ADGRA3: variants seen among roughly 807,000 people sequenced by gnomAD.
ADGRA3 encodes the protein G-protein coupled receptor 125.
Under a neutral mutation model 119.8 loss-of-function variants are expected in ADGRA3, and 56 were observed. The ratio of observed to expected loss-of-function variants is 0.47; its 90% CI spans 0.38 to 0.58. ADGRA3 has a LOEUF of 0.58. ADGRA3 is among the 20% of genes least tolerant of loss of function. The pLI, the probability that ADGRA3 is intolerant of heterozygous loss-of-function variation, is 0.00. For synonymous variants in ADGRA3, 607 were observed against 623.8 expected, an observed-to-expected ratio of 0.97 and a Z score of 0.40; for missense variants, 1,516 against 1,649.0, an observed-to-expected ratio of 0.92 and a Z score of 1.40.
At chr4:22,450,951 A>AATATATATATAT (rs1310599032) in intron 4 of ADGRA3, among the ~76,000 whole-genome samples, 2 of 122,806 alleles carry the variant, frequency 1.6e-5, no homozygotes, top group African/African-American at 6.6e-5. Context: ...AAAAAAAAAA[A>AATATATATATAT]ATATATATAT....
intron 2 of ADGRA3, among the ~76,000 whole-genome samples, chr4:22,472,146 C>T (rs1179578506): frequency 2.6e-5 from 4 of 152,206 alleles, no homozygotes; most frequent in Non-Finnish European, 5.9e-5. Context: ...GAAGACCACA[C>T]TAATGCCTTT....
intron 14 of ADGRA3, among the ~76,000 whole-genome samples, chr4:22,412,031 A>G (rs963224181): frequency 6.6e-6 from 1 of 152,158 alleles, no homozygotes; most frequent in Non-Finnish European, 1.5e-5. Flanking sequence ...TTCTAGTGCT[A>G]AATGCTATTT....
chr4:22,398,133 A>T, intron 16 of ADGRA3: 1 of 983,382 alleles, frequency 1.0e-6, no homozygotes, highest in Non-Finnish European at 1.2e-6. Flanking sequence ...GATGTGTAGT[A>T]ACAGCCTAAA....
intron 10 of ADGRA3, among the ~76,000 whole-genome samples, chr4:22,434,482 C>T (rs1716315040): frequency 6.6e-6 from 1 of 152,044 alleles, no homozygotes; most frequent in Admixed American, 6.6e-5. Context: ...AGTCAGGGAT[C>T]TTGGGTTCTC....
At position 22,388,109 on chromosome 4, in the gene ADGRA3, T is replaced by C; in HGVS notation, c.3562A>G (p.Arg1188Gly). ...GTTGGGACATCGTAGGCATATTCTC[T>C]CAGGACTGTGAGTCGGCTTGCCCGG... ...GHRASRLTVLREYAYDVPTSV... is the reference protein window; with the variant it reads ...GHRASRLTVLGEYAYDVPTSV... Residue 1188 changes from arginine (R) to glycine (G), a missense_variant, in exon 19 of 19, where the codon AGA becomes GGA. Physicochemically the swap from Arg to Gly is moderately radical, Grantham distance 125. Coordinates refer to ENST00000334304, the MANE Select transcript of ADGRA3 (RefSeq NM_145290.4). 3 of 1,614,192 alleles carry C rather than the reference T, an allele frequency of 1.9e-6. No individual in the cohort carries two copies. Among genetic ancestry groups the C allele is most frequent in the Non-Finnish European group, 2.5e-6 (3 of 1,180,014 alleles).
chr4:22,447,747 A>G (rs770222980), intron 4 of ADGRA3, among the ~76,000 whole-genome samples: 33 of 152,208 alleles, frequency 2.2e-4, no homozygotes, highest in Non-Finnish European at 3.5e-4. Flanking sequence ...TATTAAAGCT[A>G]GATAAGAATT....
At chr4:22,463,165 A>C (rs568712059) in intron 2 of ADGRA3, among the ~76,000 whole-genome samples, 1 of 152,370 alleles carries the variant, frequency 6.6e-6, no homozygotes, top group East Asian at 1.9e-4. Context: ...CTTACATAAC[A>C]GTGGCAACCT....
At chr4:22,485,904 C>T (rs911948404) in intron 1 of ADGRA3, among the ~76,000 whole-genome samples, 8 of 152,222 alleles carry the variant, frequency 5.3e-5, no homozygotes, top group African/African-American at 1.9e-4. Flanking sequence ...AGAACTGGAG[C>T]AGCTGTTTCA....
intron 6 of ADGRA3, 96 bp downstream of exon 6, chr4:22,444,877 G>T: frequency 8.0e-7 from 1 of 1,249,444 alleles, no homozygotes; most frequent in South Asian, 1.3e-5. Context: ...TACTAGTTCT[G>T]TCCAAGTATA....
chr4:22,447,612 G>T, intron 4 of ADGRA3, 101 bp from the exon 5 acceptor site: 1 of 650,430 alleles, frequency 1.5e-6, no homozygotes, highest in Non-Finnish European at 2.5e-6. Flanking sequence ...AAATAATGTT[G>T]TAAAGAACTC....
chr4:22,452,607 AG>A (rs1320012884), intron 4 of ADGRA3, among the ~76,000 whole-genome samples: 1 of 152,164 alleles, frequency 6.6e-6, no homozygotes, highest in Non-Finnish European at 1.5e-5. Context: ...AGACAACCCA[AG>A]TTCTAAACCT....
Position 22,388,169 on chromosome 4 carries a change from A to G in ADGRA3, c.3502T>C (p.Ser1168Pro). Reference protein sequence around the residue: ...LEVQFRTNVHSSRHHKNRSKG... With the variant: ...LEVQFRTNVHPSRHHKNRSKG... ...CTTCTGTTTTTATGGTGGCGGCTTG[A>G]GTGCACATTTGTTCGAAACTGAACT... The change falls in exon 19 of 19, where the codon TCA becomes CCA. Residue 1168 changes from serine to proline, a missense_variant. By Grantham distance (74) the Ser-to-Pro change is moderately conservative. Around this residue, in one of 2 missense-constraint regions of ADGRA3, gnomAD observed 1,088 missense variants for 1,107.1 expected, o/e 0.98. Coordinates refer to ENST00000334304, the MANE Select transcript of ADGRA3 (RefSeq NM_145290.4). 6.2e-7 allele frequency: 1 copy of G among 1,613,924 alleles called. No individual in the cohort carries two copies. The highest frequency in any genetic ancestry group is 8.5e-7 in the Non-Finnish European group (1 of 1,179,980).
rs539947155 is a variant in ADGRA3 at position 22,421,423 on chromosome 4, GA to G, written c.1606-335del. Among the ~76,000 whole-genome samples the G allele has an allele frequency of 3.2e-3, 487 of 151,900 alleles. 5 individuals carry two copies. The highest frequency in any genetic ancestry group is 0.011 in the African/African-American group (444 of 41,444). On this transcript the variant is annotated intron_variant, in intron 11 of 18. Coordinates refer to ENST00000334304, the MANE Select transcript of ADGRA3 (RefSeq NM_145290.4). Reference sequence around the variant, plus strand: ...AACAAGCTAAAAATGGAAGCATCCTGAAAAAAAATTCAGCTAGAGAAATCAG... The same window carrying G: ...AACAAGCTAAAAATGGAAGCATCCTGAAAAAAATTCAGCTAGAGAAATCAG...
intron 1 of ADGRA3, among the ~76,000 whole-genome samples, chr4:22,501,609 C>A (rs375816356): frequency 2.0e-5 from 3 of 152,076 alleles, no homozygotes; most frequent in Non-Finnish European, 1.5e-5. Flanking sequence ...GGACTCCCCA[C>A]GTTTCCTTTC....
intron 14 of ADGRA3, among the ~76,000 whole-genome samples, chr4:22,410,808 C>T (rs2109020101): frequency 6.6e-6 from 1 of 152,168 alleles, no homozygotes; most frequent in East Asian, 1.9e-4. Flanking sequence ...TCAACAATTT[C>T]AAATACATTT....
At chr4:22,410,668 T>C (rs1353956458) in intron 14 of ADGRA3, among the ~76,000 whole-genome samples, 1 of 152,150 alleles carries the variant, frequency 6.6e-6, no homozygotes. Context: ...CTTTCTAATT[T>C]GCTTTCTAAT....
In ADGRA3 at chr4:22,388,476, C is replaced by G. The variant is rs769558266; in HGVS notation, c.3195G>C (p.Arg1065=). 1.2e-6 allele frequency: 2 copies of G among 1,614,058 alleles called. No individual in the cohort carries two copies. The highest frequency in any genetic ancestry group is 2.2e-5 in the South Asian group (2 of 91,068). ...CGTTGACTTGCACTGAATACGAGCT[C>G]CGTCCTGGGCAGCAAGTCATGATCC... ...LAWIMTCCPG[R]SSYSVQVNVQ... is the part of the protein sequence containing the mutation. Residue 1065 remains arginine (R), a synonymous_variant, in exon 19 of 19, where the codon CGG becomes CGC. Coordinates refer to ENST00000334304, the MANE Select transcript of ADGRA3 (RefSeq NM_145290.4).
chr4:22,442,048 G>A (rs987764351), intron 7 of ADGRA3, among the ~76,000 whole-genome samples: 2 of 151,994 alleles, frequency 1.3e-5, no homozygotes, highest in Non-Finnish European at 2.9e-5. Flanking sequence ...CTAGGTAGGT[G>A]GAAAGAAAGA....
At chr4:22,481,737 T>G (rs1254953086) in intron 1 of ADGRA3, among the ~76,000 whole-genome samples, 4 of 152,180 alleles carry the variant, frequency 2.6e-5, no homozygotes, top group African/African-American at 4.8e-5. Context: ...GACAGCAGAG[T>G]TGAGTAGTGG....
Sources: gnomAD v4.1 joint callset for allele counts (sites outside exome capture counted in the v4.1 genomes callset) on GRCh38, gnomAD v4.1.1 for gene constraint, gnomAD v4.1.1 regional missense constraint, MANE v1.5 for transcripts, NCBI Gene and HGNC (gene_info 2026-07-23, HGNC 2026-07-21) for gene names.